PCDHA11: variants seen among roughly 807,000 people sequenced by gnomAD.
PCDHA11 encodes protocadherin alpha 11, also known as protocadherin alpha-11.
A neutral mutation model predicts 70.3 loss-of-function variants in PCDHA11; 61 were observed. The ratio of observed to expected loss-of-function variants is 0.87; its 90% CI spans 0.71 to 1.07. The LOEUF (loss-of-function observed/expected upper bound fraction) is 1.07. Ranked by LOEUF, PCDHA11 falls within the 50% of genes least tolerant of loss-of-function variation. The pLI, the probability that PCDHA11 is intolerant of heterozygous loss-of-function variation, is 0.00. For missense variants in PCDHA11, 1,324 were observed against 1,237.5 expected (o/e 1.07, Z -1.05); for synonymous variants, 633 against 555.1 (o/e 1.14, Z -1.97).
At chr5:140,989,321 C>A (rs898791820) in intron 3 of PCDHA11, among the ~76,000 whole-genome samples, 6 of 152,178 alleles carry the variant, frequency 3.9e-5, no homozygotes, top group Non-Finnish European at 7.3e-5. Flanking sequence ...GTCTCACCAA[C>A]TTTGCCACCT....
At chr5:140,968,401 C>T (rs1554230667) in intron 1 of PCDHA11, 1 of 1,613,984 alleles carries the variant, frequency 6.2e-7, no homozygotes, top group South Asian at 1.1e-5. Context: ...TTCGGGAGTT[C>T]TTTGTGACTG....
intron 1 of PCDHA11, among the ~76,000 whole-genome samples, chr5:140,923,177 A>G (rs1325033307): frequency 2.0e-5 from 3 of 152,174 alleles, no homozygotes; most frequent in African/African-American, 7.2e-5. Context: ...TTTTGTTCAG[A>G]TGCATCTACT....
At chr5:140,877,380 C>T (rs372220347) in intron 1 of PCDHA11, 25 of 1,613,862 alleles carry the variant, frequency 1.5e-5, no homozygotes, top group Middle Eastern at 1.6e-4. Context: ...CGACACGCAT[C>T]CTGGATGAGG....
chr5:140,896,404 G>T (rs1003824556), intron 1 of PCDHA11, among the ~76,000 whole-genome samples: 4 of 151,996 alleles, frequency 2.6e-5, no homozygotes, highest in Admixed American at 2.6e-4. Context: ...TGTTATTTTT[G>T]ACTTTTTAGT....
chr5:140,872,867 A>G (rs549673745), intron 1 of PCDHA11, among the ~76,000 whole-genome samples: 37 of 152,332 alleles, frequency 2.4e-4, no homozygotes, highest in African/African-American at 8.7e-4. Flanking sequence ...CCTACTGACA[A>G]TTATCAGTTT....
chr5:141,000,395 C>CTCTATAAA (rs1213762225), intron 3 of PCDHA11, among the ~76,000 whole-genome samples: 2 of 53,986 alleles, frequency 3.7e-5, no homozygotes, highest in African/African-American at 1.5e-4. Context: ...CTCTCTCTCT[C>CTCTATAAA]TATATATATA....
chr5:140,876,165 C>T (rs782073467), intron 1 of PCDHA11: 4 of 1,613,944 alleles, frequency 2.5e-6, no homozygotes, highest in Admixed American at 1.7e-5. Flanking sequence ...TTCAAATAAC[C>T]GTCCTGGATG....
At chr5:140,920,516 A>G (rs2079670610) in intron 1 of PCDHA11, among the ~76,000 whole-genome samples, 1 of 152,156 alleles carries the variant, frequency 6.6e-6, no homozygotes, top group African/African-American at 2.4e-5. Flanking sequence ...GTTTTATGCA[A>G]TTCGTTAGAC....
rs1554263543 is a variant in PCDHA11, at chr5:141,011,545, G to A, written c.*1608G>A. 1 of 153,624 alleles carries A rather than the reference G, an allele frequency of 6.5e-6. No individual in the cohort carries two copies. Among genetic ancestry groups the A allele is most frequent in the Non-Finnish European group, 1.5e-5 (1 of 68,004 alleles). 9.5% of individuals were successfully genotyped at this position (153,624 alleles called of 1,614,324 possible). A position where few individuals can be genotyped will look rare whatever the true frequency, so the allele number is the denominator to read the frequency against. Reference sequence around the variant, plus strand: ...TTAACCATTGTTAATCAGCTTTTGTGTATGAAAGACACAGTAAAATTTCTT... The same window carrying A: ...TTAACCATTGTTAATCAGCTTTTGTATATGAAAGACACAGTAAAATTTCTT... On this transcript the variant is annotated 3_prime_UTR_variant, in exon 4 of 4. Coordinates refer to ENST00000398640, the MANE Select transcript of PCDHA11 (RefSeq NM_018902.5).
At chr5:140,937,500 C>T (rs2091549219) in intron 1 of PCDHA11, among the ~76,000 whole-genome samples, 1 of 152,024 alleles carries the variant, frequency 6.6e-6, no homozygotes, top group Admixed American at 6.6e-5. Context: ...ACCCGTAATC[C>T]CAGCTACTCA....
At position 140,869,763 on chromosome 5, in the gene PCDHA11, A is replaced by G; in HGVS notation, c.660A>G (p.Pro220=). The change falls in exon 1 of 4, where the codon CCA becomes CCG. Residue 220 remains proline, a synonymous_variant. Transcript: ENST00000398640. ...LLLTATDGGK[P]ELTGTVRLLV... ...TAACAGCTACAGACGGGGGAAAACC[A>G]GAGCTTACTGGCACCGTTCGGCTGT... 1.9e-6 allele frequency: 3 copies of G among 1,613,302 alleles called. No homozygotes were observed. The highest frequency in any genetic ancestry group is 2.5e-6 in the Non-Finnish European group (3 of 1,179,748).
chr5:140,963,551 G>C (rs2095774327), intron 1 of PCDHA11, among the ~76,000 whole-genome samples: 1 of 152,158 alleles, frequency 6.6e-6, no homozygotes, highest in African/African-American at 2.4e-5. Flanking sequence ...GATATAAAAA[G>C]GGGCTGTTTT....
At position 140,870,100 on chromosome 5, in the gene PCDHA11, T is replaced by G; in HGVS notation, c.997T>G (p.Cys333Gly). 3 of 1,613,914 alleles carry G rather than the reference T, an allele frequency of 1.9e-6. No individual in the cohort carries two copies. Among genetic ancestry groups the G allele is most frequent in the Non-Finnish European group, 2.5e-6 (3 of 1,179,898 alleles). The change falls in exon 1 of 4, where the codon TGT becomes GGT. Residue 333 changes from cysteine to glycine, a missense_variant. By Grantham distance (159) the Cys-to-Gly change is radical. Transcript: ENST00000398640. ...DKGTPPMAGH[C>G]TVWVEILDTN... is the part of the protein sequence containing the mutation. ...GGGGACTCCCCCAATGGCAGGTCAC[T>G]GTACAGTCTGGGTGGAAATCTTGGA...
In PCDHA11 at chr5:140,869,883, T is replaced by G; in HGVS notation, c.780T>G (p.Leu260=). The G allele has an allele frequency of 6.2e-7, 1 of 1,610,444 alleles. No individual in the cohort carries two copies. Among genetic ancestry groups the G allele is most frequent in the Admixed American group, 1.7e-5 (1 of 59,412 alleles). ...SLMENAAKET[L]VLKLNATDRD... ...TGGAAAATGCTGCTAAAGAAACTCTTGTGCTCAAACTAAACGCCACAGACC... is the reference window on the plus strand; with the variant it reads ...TGGAAAATGCTGCTAAAGAAACTCTGGTGCTCAAACTAAACGCCACAGACC... The change falls in exon 1 of 4, where the codon CTT becomes CTG. Residue 260 remains leucine (L), a synonymous_variant. Transcript: ENST00000398640.
Position 140,938,847 on chromosome 5 carries a change from T to C in PCDHA11, c.2392-40102T>C, listed in dbSNP as rs371783438. 4.6e-5 allele frequency among the ~76,000 whole-genome samples: 7 copies of C among 152,194 alleles called. No individual in the cohort carries two copies. The South Asian group carries it at 6.2e-4, about 14-fold the overall frequency. ...GTTTGCGTTATAACAAACCTGCCCA[T>C]GTACCCCTGAACTTAAAAGTTAAGA... On this transcript the variant is annotated intron_variant, in intron 1 of 3. Transcript: ENST00000398640.
chr5:140,995,324 G>A (rs1290299693), intron 3 of PCDHA11, among the ~76,000 whole-genome samples: 1 of 152,190 alleles, frequency 6.6e-6, no homozygotes, highest in African/African-American at 2.4e-5. Context: ...GAACTAACAG[G>A]TGAGTAGTGT....
At chr5:140,923,219 CGTTTG>C (rs2081242278) in intron 1 of PCDHA11, among the ~76,000 whole-genome samples, 3 of 151,974 alleles carry the variant, frequency 2.0e-5, no homozygotes, top group Admixed American at 1.3e-4. Context: ...GTGAAAGGAT[CGTTTG>C]AGCCCAGAAG....
intron 1 of PCDHA11, chr5:140,926,327 A>AGAGCGCCGGGACCC (rs1363803647): frequency 6.6e-6 from 1 of 152,258 alleles, no homozygotes; most frequent in African/African-American, 2.4e-5. Context: ...CGCCGGGGTC[A>AGAGCGCCGGGACCC]GAGCGCCGGG....
intron 1 of PCDHA11, chr5:140,927,595 C>A (rs2084392576): frequency 1.2e-6 from 2 of 1,614,038 alleles, no homozygotes; most frequent in South Asian, 2.2e-5. Context: ...TGTATTTGAG[C>A]GCTCCGTATA....
Sources: gnomAD v4.1 joint callset for allele counts (sites outside exome capture counted in the v4.1 genomes callset) on GRCh38, gnomAD v4.1.1 for gene constraint, MANE v1.5 for transcripts, NCBI Gene and HGNC (gene_info 2026-07-23, HGNC 2026-07-21) for gene names.